The following RANBP17 variants were observed in gnomAD, a reference collection of about 807,000 sequenced individuals.
RANBP17 encodes the protein ran-binding protein 17.
A neutral mutation model predicts 141.2 loss-of-function variants in RANBP17; 158 were observed. The ratio of observed to expected loss-of-function variants is 1.12; its 90% CI spans 0.98 to 1.28. The LOEUF (loss-of-function observed/expected upper bound fraction) is 1.28, where lower values mean the gene tolerates loss of function less well. Among genes scored for constraint, RANBP17 ranks in the 50% most tolerant of loss-of-function variants. RANBP17 has a pLI of 0.00. For missense variants in RANBP17, 1,438 were observed against 1,290.7 expected (o/e 1.11, Z -1.75); for synonymous variants, 430 against 450.0 (o/e 0.96, Z 0.56).
chr5:171,198,030 C>T (rs1196979408), intron 18 of RANBP17, among the ~76,000 whole-genome samples: 1 of 152,234 alleles, frequency 6.6e-6, no homozygotes, highest in East Asian at 1.9e-4. Flanking sequence ...CAGAGCAAGA[C>T]TCCGTCTCAA....
At chr5:171,217,245 T>A (rs1318513087) in intron 21 of RANBP17, among the ~76,000 whole-genome samples, 1 of 152,242 alleles carries the variant, frequency 6.6e-6, no homozygotes, top group Non-Finnish European at 1.5e-5. Flanking sequence ...CAGCTTTGCA[T>A]CCCAGGGATA....
chr5:170,914,118 G>A, intron 7 of RANBP17, 49 bp from the exon 8 acceptor site: 1 of 1,222,574 alleles, frequency 8.2e-7, no homozygotes, highest in South Asian at 1.2e-5. Flanking sequence ...ACTTTGTTAA[G>A]ATCACTGAAT....
At chr5:171,251,920 C>G in intron 24 of RANBP17, 1 of 1,585,782 alleles carries the variant, frequency 6.3e-7, no homozygotes. Context: ...AGTGAATGAG[C>G]ACTATTTTGG....
intron 14 of RANBP17, among the ~76,000 whole-genome samples, chr5:171,008,827 T>C (rs1394862668): frequency 6.6e-6 from 1 of 152,210 alleles, no homozygotes; most frequent in Non-Finnish European, 1.5e-5. Context: ...ATGGCTTAGA[T>C]TGGGCTCAGA....
At chr5:170,930,806 A>G (rs1477530825) in intron 12 of RANBP17, among the ~76,000 whole-genome samples, 1 of 152,034 alleles carries the variant, frequency 6.6e-6, no homozygotes, top group Non-Finnish European at 1.5e-5. Context: ...AATCCAGTCT[A>G]CCATCATTGG....
rs369358069 is a variant in RANBP17 at position 171,007,326 on chromosome 5, A to G, written c.1710+38949A>G. Among the ~76,000 whole-genome samples, 12 of 151,262 alleles carry G rather than the reference A, an allele frequency of 7.9e-5. 1 individual carries two copies. Among genetic ancestry groups the G allele is most frequent in the Admixed American group, 6.6e-4 (10 of 15,154 alleles). ...AATTGTCGGGCAGTGGGGGAGAGCT[A>G]GTTGCAGAAAGAAACTGTAAACCAG... On this transcript the variant is annotated intron_variant, in intron 14 of 27. Coordinates refer to ENST00000523189, the MANE Select transcript of RANBP17 (RefSeq NM_022897.5).
chr5:171,055,592 G>A (rs533482698), intron 14 of RANBP17, among the ~76,000 whole-genome samples: 1 of 151,882 alleles, frequency 6.6e-6, no homozygotes, highest in Non-Finnish European at 1.5e-5. Context: ...TCATAAAGCT[G>A]AGCCTAACCA....
chr5:171,025,275 G>C (rs549070160), intron 14 of RANBP17, among the ~76,000 whole-genome samples: 129 of 152,242 alleles, frequency 8.5e-4, no homozygotes, highest in African/African-American at 3.0e-3. Flanking sequence ...TGGCTTCCCA[G>C]TGTTTTTAGG....
intron 24 of RANBP17, among the ~76,000 whole-genome samples, chr5:171,265,283 C>T (rs896377021): frequency 1.3e-5 from 2 of 152,116 alleles, no homozygotes; most frequent in Non-Finnish European, 2.9e-5. Context: ...GCCTATAATC[C>T]CAGCACCTTG....
rs1175991987 is a variant in RANBP17 at position 170,881,873 on chromosome 5, C to T, written c.233C>T (p.Pro78Leu). The change falls in exon 3 of 28, where the codon CCT becomes CTT. Residue 78 changes from proline (P) to leucine (L), a missense_variant. Transcript: ENST00000523189. ...SKLVSRVSPL[P>L]VEQRMDIRNY... ...CTTGTCAGCCGAGTCAGTCCTTTAC[C>T]TGTTGAGCAGAGGATGGACATCAGT... 1.9e-6 allele frequency: 3 copies of T among 1,608,510 alleles called. No homozygotes were observed. Among genetic ancestry groups the T allele is most frequent in the Non-Finnish European group, 2.5e-6 (3 of 1,177,130 alleles).
chr5:171,064,269 G>A (rs1039901337), intron 14 of RANBP17, among the ~76,000 whole-genome samples: 6 of 152,224 alleles, frequency 3.9e-5, no homozygotes, highest in Admixed American at 1.3e-4. Context: ...CACGCTGGGA[G>A]CTGTAGATGG....
intron 21 of RANBP17, among the ~76,000 whole-genome samples, chr5:171,215,681 T>C (rs1376720107): frequency 6.6e-6 from 1 of 152,230 alleles, no homozygotes; most frequent in Non-Finnish European, 1.5e-5. Context: ...TTTCACATAC[T>C]TGTTGGCCAC....
At chr5:171,244,952 C>T (rs977879929) in intron 24 of RANBP17, among the ~76,000 whole-genome samples, 5 of 151,900 alleles carry the variant, frequency 3.3e-5, no homozygotes, top group Admixed American at 6.6e-5. Flanking sequence ...AGTGAAACCC[C>T]GTCTGTACTA....
chr5:171,234,802 A>G (rs1764433391), intron 22 of RANBP17, among the ~76,000 whole-genome samples: 1 of 152,182 alleles, frequency 6.6e-6, no homozygotes, highest in Admixed American at 6.5e-5. Flanking sequence ...GTCCATTAAT[A>G]CCCAAGTAGA....
At chr5:171,238,148 A>G (rs1561790392) in intron 22 of RANBP17, among the ~76,000 whole-genome samples, 1 of 152,156 alleles carries the variant, frequency 6.6e-6, no homozygotes, top group Non-Finnish European at 1.5e-5. Flanking sequence ...TCAAAATAGT[A>G]TATTAATTAC....
intron 14 of RANBP17, among the ~76,000 whole-genome samples, chr5:171,092,409 T>C (rs1786363773): frequency 6.6e-6 from 1 of 152,224 alleles, no homozygotes; most frequent in South Asian, 2.1e-4. Context: ...AGTGACGCTC[T>C]GTGTTATATT....
chr5:171,221,533 T>G (rs1191970420), intron 21 of RANBP17, among the ~76,000 whole-genome samples: 1 of 152,218 alleles, frequency 6.6e-6, no homozygotes, highest in Non-Finnish European at 1.5e-5. Flanking sequence ...ATGAACTCTT[T>G]GAATTAGCAA....
chr5:170,999,323 G>C (rs1201946922), intron 14 of RANBP17, among the ~76,000 whole-genome samples: 1 of 151,932 alleles, frequency 6.6e-6, no homozygotes, highest in Non-Finnish European at 1.5e-5. Flanking sequence ...AAATAGCCTA[G>C]TTTTTCAATT....
chr5:171,203,708 G>T (rs185111002), intron 19 of RANBP17, among the ~76,000 whole-genome samples: 1 of 152,056 alleles, frequency 6.6e-6, no homozygotes, highest in Admixed American at 6.5e-5. Context: ...TTTGTATAAC[G>T]AGGATAGTCT....
Sources: gnomAD v4.1 joint callset for allele counts (sites outside exome capture counted in the v4.1 genomes callset) on GRCh38, gnomAD v4.1.1 for gene constraint, MANE v1.5 for transcripts, NCBI Gene and HGNC (gene_info 2026-07-23, HGNC 2026-07-21) for gene names.